PRR5: variants seen among roughly 807,000 people sequenced by gnomAD.
The protein encoded by PRR5 is proline rich 5.
A neutral mutation model predicts 30.6 loss-of-function variants in PRR5; 25 were observed. That is an observed-to-expected ratio of 0.82 (90% CI 0.60 to 1.14). PRR5 has a LOEUF of 1.14. Among genes scored for constraint, PRR5 ranks in the 50% most tolerant of loss-of-function variants. PRR5 has a pLI of 0.00. For synonymous variants in PRR5, 286 were observed against 247.1 expected, an observed-to-expected ratio of 1.16 and a Z score of -1.48; for missense variants, 600 against 547.1, an observed-to-expected ratio of 1.10 and a Z score of -0.96.
intron 2 of PRR5, among the ~76,000 whole-genome samples, chr22:44,718,014 C>A (rs563374659): frequency 6.6e-6 from 1 of 152,052 alleles, no homozygotes; most frequent in Admixed American, 6.5e-5. Context: ...TGCACCCAGC[C>A]TGCCTGCTTC....
chr22:44,670,114 T>G (rs6006843), intron 1 of PRR5, among the ~76,000 whole-genome samples: 67,967 of 151,816 alleles, frequency 0.45, 15,543 homozygotes, highest in Non-Finnish European at 0.5. Context: ...CCGCTTGGTG[T>G]TAACATCGGA....
At chr22:44,680,093 A>G (rs1924138532) in intron 1 of PRR5, among the ~76,000 whole-genome samples, 1 of 152,124 alleles carries the variant, frequency 6.6e-6, no homozygotes. Flanking sequence ...GGGGCTTTCT[A>G]CTTTATTCAC....
At chr22:44,725,349 A>AC in intron 3 of PRR5, 57 bp downstream of exon 3, 1 of 1,606,174 alleles carries the variant, frequency 6.2e-7, no homozygotes, top group Non-Finnish European at 8.5e-7. Context: ...GCCAGAAAGC[A>AC]CAGGGGCTCA....
chr22:44,706,250 G>C (rs948954181), intron 1 of PRR5, among the ~76,000 whole-genome samples: 3 of 152,132 alleles, frequency 2.0e-5, no homozygotes, highest in Non-Finnish European at 4.4e-5. Flanking sequence ...CTGAGTCATT[G>C]ATTGATTGAT....
chr22:44,703,056 C>T (rs1298860271), intron 1 of PRR5, among the ~76,000 whole-genome samples: 1 of 152,202 alleles, frequency 6.6e-6, no homozygotes, highest in Non-Finnish European at 1.5e-5. Context: ...TTTAAGCTCC[C>T]TTCGGCTTTC....
At position 44,693,795 on chromosome 22, in the gene PRR5, A is replaced by ATTTTTTTTTTTTTTTTT. The variant is rs61604082; in HGVS notation, c.-10-8693_-10-8677dup. Among the ~76,000 whole-genome samples, 97 of 79,612 alleles carry ATTTTTTTTTTTTTTTTT rather than the reference A, an allele frequency of 1.2e-3. 1 individual carries two copies. The highest frequency in any genetic ancestry group is 2.1e-3 in the African/African-American group (39 of 18,500). The allele number at this position is 79,612 out of a possible 152,430, so 52.2% of individuals were successfully genotyped here. Reference sequence around the variant, plus strand: ...CAGGCGCCTGCCACCACACTCGGCTATTTTTTTTTTTTTTTTTTTTGTATT... The same window carrying ATTTTTTTTTTTTTTTTT: ...CAGGCGCCTGCCACCACACTCGGCTATTTTTTTTTTTTTTTTTTTTTTTTTTTTTTTTTTTTTGTATT... On this transcript the variant is annotated intron_variant, in intron 1 of 8. Coordinates refer to the PRR5 transcript ENST00000006251.
Position 44,684,027 on chromosome 22 carries a change from A to C in PRR5, c.-11+6787A>C, listed in dbSNP as rs576563155. Among the ~76,000 whole-genome samples the C allele has an allele frequency of 3.3e-5, 5 of 152,234 alleles. No homozygotes were observed. The East Asian group carries it at 7.7e-4, about 24-fold the overall frequency. ...GCGACAGGTAGGGTGTGTCCCCCGGACTGGGTGGGGGTGTCGAAACCAGGA... is the reference window on the plus strand; with the variant it reads ...GCGACAGGTAGGGTGTGTCCCCCGGCCTGGGTGGGGGTGTCGAAACCAGGA... On this transcript the variant is annotated intron_variant, in intron 1 of 8. Coordinates refer to the PRR5 transcript ENST00000006251.
upstream of PRR5, among the ~76,000 whole-genome samples, chr22:44,675,597 G>T (rs1194480342): frequency 2.6e-5 from 4 of 152,080 alleles, no homozygotes; most frequent in African/African-American, 2.4e-5. Flanking sequence ...CCCAGGCAGG[G>T]CTCTCACCCT....
intron 2 of PRR5, among the ~76,000 whole-genome samples, chr22:44,724,590 GCTCCCATTCTCTCAGGCC>G (rs1463350252): frequency 1.3e-5 from 2 of 152,194 alleles, no homozygotes; most frequent in African/African-American, 4.8e-5. Flanking sequence ...GGAATGTGGT[GCTCCCATTCTCTCAGGCC>G]CTGGAGGTAT....
At chr22:44,671,083 C>T (rs1170644908) in intron 1 of PRR5, among the ~76,000 whole-genome samples, 2 of 152,166 alleles carry the variant, frequency 1.3e-5, no homozygotes, top group African/African-American at 4.8e-5. Context: ...AACAGACAGG[C>T]TACTGATGCT....
At chr22:44,687,979 T>G (rs948352338) in intron 1 of PRR5, among the ~76,000 whole-genome samples, 1 of 151,104 alleles carries the variant, frequency 6.6e-6, no homozygotes, top group Non-Finnish European at 1.5e-5. Context: ...TTCACCCTGT[T>G]GGTCAGGCTG....
chr22:44,728,760 C>G (rs1164623808), intron 4 of PRR5, among the ~76,000 whole-genome samples: 1 of 152,220 alleles, frequency 6.6e-6, no homozygotes, highest in Non-Finnish European at 1.5e-5. Flanking sequence ...CTCCTTGCAG[C>G]TGTCCCTACA....
intron 1 of PRR5, among the ~76,000 whole-genome samples, chr22:44,678,284 T>A (rs1285288167): frequency 7.1e-6 from 1 of 141,480 alleles, no homozygotes; most frequent in Non-Finnish European, 1.5e-5. Context: ...CTAGTCTGAT[T>A]TTTTTTTGTC....
chr22:44,679,774 G>A lies in PRR5; in HGVS notation c.-11+2534G>A, dbSNP rs771829268. ...GCTCTGGGACACTCAGTCTGATGGGGCAGGCTGGTCAGAAGACATAGAGCC... is the reference window on the plus strand; with the variant it reads ...GCTCTGGGACACTCAGTCTGATGGGACAGGCTGGTCAGAAGACATAGAGCC... On this transcript the variant is annotated intron_variant, in intron 1 of 8. Coordinates refer to the PRR5 transcript ENST00000006251. 2.4e-4 allele frequency: 383 copies of A among 1,569,326 alleles called. 1 individual carries two copies. Among genetic ancestry groups the A allele is most frequent in the South Asian group, 2.7e-4 (23 of 85,920 alleles).
chr22:44,711,426 C>T (rs148889751), intron 1 of PRR5, among the ~76,000 whole-genome samples: 12 of 152,196 alleles, frequency 7.9e-5, no homozygotes, highest in Admixed American at 2.0e-4. Context: ...GTGTGAGTGA[C>T]GCCAGACCCA....
chr22:44,732,338 C>T lies in PRR5; in HGVS notation c.502C>T (p.Arg168Trp), dbSNP rs150104103. The T allele has an allele frequency of 1.8e-3, 2,982 of 1,612,062 alleles. 6 individuals are homozygous for T. The highest frequency in any genetic ancestry group is 2.3e-3 in the Non-Finnish European group (2,762 of 1,179,924). ...TGTGAAGCTAGAGGATGCGCTGGCC[C>T]GGGCCCATGCCCGTGTGCCCCCTGC... is the stretch of plus-strand genomic sequence containing the variant. Reference protein sequence around the residue: ...LSVKLEDALARAHARVPPAIV... With the variant: ...LSVKLEDALAWAHARVPPAIV... The change falls in exon 6 of 8, where the codon CGG (arginine) becomes TGG (tryptophan). Residue 168 changes from arginine to tryptophan, a missense_variant. Transcript: ENST00000336985.
intron 1 of PRR5, among the ~76,000 whole-genome samples, chr22:44,692,678 T>C (rs1400138255): frequency 3.3e-5 from 5 of 152,186 alleles, no homozygotes; most frequent in Non-Finnish European, 7.4e-5. Context: ...AAGATTCTTC[T>C]AAGAAAAGGC....
rs1045093755 is a variant in PRR5 at position 44,691,976 on chromosome 22, G to T, written c.-10-10516G>T. Among the ~76,000 whole-genome samples, 1 of 152,054 alleles carries T rather than the reference G, an allele frequency of 6.6e-6. No homozygotes were observed. Among genetic ancestry groups the T allele is most frequent in the African/African-American group, 2.4e-5 (1 of 41,384 alleles). On this transcript the variant is annotated intron_variant, in intron 1 of 8. Transcript: ENST00000006251. The surrounding 1 kb of genome is among the most constrained non-coding windows in gnomAD (Gnocchi z 4.4). ...GGGCTCAATTGATGCCATCAGGAAC[G>T]CGGGCCAAGTTTTGATGGGCTGTTT...
rs1485420772 is a variant in PRR5 at position 44,691,384 on chromosome 22, T to C, written c.-10-11108T>C. On this transcript the variant is annotated intron_variant, in intron 1 of 8. Transcript: ENST00000006251. The surrounding 1 kb of genome is among the most constrained non-coding windows in gnomAD (Gnocchi z 4.4). ...TGGAGGGGTTGTGGTGGGGAGGCCG[T>C]GGCCCGCGCTGGGCACAGCATGTAC... 1.3e-5 allele frequency among the ~76,000 whole-genome samples: 2 copies of C among 152,072 alleles called. No individual in the cohort carries two copies. The highest frequency in any genetic ancestry group is 1.3e-4 in the Admixed American group (2 of 15,272).
Sources: gnomAD v4.1 joint callset for allele counts (sites outside exome capture counted in the v4.1 genomes callset) on GRCh38, gnomAD v4.1.1 for gene constraint, Gnocchi (gnomAD v3.1) non-coding constraint, MANE v1.5 for transcripts, NCBI Gene and HGNC (gene_info 2026-07-23, HGNC 2026-07-21) for gene names.